Variants in DNAH7 observed in about 807,000 individuals in gnomAD.
DNAH7 encodes the protein axonemal beta dynein heavy chain 7.
Under a neutral mutation model 444.6 loss-of-function variants are expected in DNAH7, and 397 were observed. That is an observed-to-expected ratio of 0.89 (90% CI 0.82 to 0.97). The LOEUF is 0.97. Ranked by LOEUF, DNAH7 falls within the 50% of genes least tolerant of loss-of-function variation. The pLI, the probability that DNAH7 is intolerant of heterozygous loss-of-function variation, is 0.00. For missense variants in DNAH7, 4,902 were observed against 4,800.8 expected (o/e 1.02, Z -0.62); for synonymous variants, 1,636 against 1,624.4 (o/e 1.01, Z -0.17).
rs774903465 is a variant in DNAH7 at position 195,936,692 on chromosome 2, T to C, written c.3179A>G (p.Tyr1060Cys). Residue 1060 changes from tyrosine to cysteine, a missense_variant, in exon 20 of 65, where the codon TAT becomes TGT. By Grantham distance (194) the Tyr-to-Cys change is radical. Coordinates refer to ENST00000312428, the MANE Select transcript of DNAH7 (RefSeq NM_018897.3). Reference sequence around the variant, plus strand: ...GAAAAAGAGGCGTTTCTTTTCCAAATATTCATTAAGTCCTTTAAGAATGAG... The same window carrying C: ...GAAAAAGAGGCGTTTCTTTTCCAAACATTCATTAAGTCCTTTAAGAATGAG... ...LELILKGLNEYLEKKRLFFPR... is the reference protein window; with the variant it reads ...LELILKGLNECLEKKRLFFPR... 59 of 1,602,680 alleles carry C rather than the reference T, an allele frequency of 3.7e-5. No homozygotes were observed. The highest frequency in any genetic ancestry group is 4.8e-5 in the Non-Finnish European group (57 of 1,175,626).
chr2:196,045,233 AAG>A (rs1407701004), intron 5 of DNAH7, among the ~76,000 whole-genome samples: 1 of 150,198 alleles, frequency 6.7e-6, no homozygotes, highest in Non-Finnish European at 1.5e-5. Context: ...GAGAAGAAGA[AAG>A]AGAGGGAGGG....
At chr2:195,854,870 CA>C (rs1349557879) in intron 45 of DNAH7, among the ~76,000 whole-genome samples, 5 of 152,154 alleles carry the variant, frequency 3.3e-5, no homozygotes, top group Non-Finnish European at 7.4e-5. Context: ...TAAAACTGAT[CA>C]TTCAAAAATC....
At chr2:195,795,357 G>A (rs547009012) in intron 56 of DNAH7, among the ~76,000 whole-genome samples, 2 of 152,168 alleles carry the variant, frequency 1.3e-5, no homozygotes, top group Non-Finnish European at 2.9e-5. Flanking sequence ...ACTCCAGCCC[G>A]GGTGACAGAT....
rs761468466 is a variant in DNAH7 at position 196,058,092 on chromosome 2, A to G, written c.40T>C (p.Ser14Pro). Residue 14 changes from serine to proline, a missense_variant, in exon 2 of 65, where the codon TCC (serine) becomes CCC (proline). Physicochemically the swap from Ser to Pro is moderately conservative, Grantham distance 74. Transcript: ENST00000312428. ...GGTAGAAATCTTACTGGTTTCTTGG[A>G]TTTTTCTTTGCTGGCCGATTTATCC... ...EQDKSASKEK[S>P]KKPVRFLPQL... 3.8e-6 allele frequency: 6 copies of G among 1,584,426 alleles called. No homozygotes were observed. Among genetic ancestry groups the G allele is most frequent in the Non-Finnish European group, 5.2e-6 (6 of 1,164,838 alleles).
intron 5 of DNAH7, among the ~76,000 whole-genome samples, chr2:196,030,878 T>C (rs1386055939): frequency 6.6e-6 from 1 of 152,226 alleles, no homozygotes; most frequent in Non-Finnish European, 1.5e-5. Flanking sequence ...GTGTTGAGTG[T>C]CTGCGGCTTT....
At position 196,000,760 on chromosome 2, in the gene DNAH7, T is replaced by C. The variant is rs1254055571; in HGVS notation, c.1297A>G (p.Met433Val). Residue 433 changes from methionine (M) to valine (V), a missense_variant, in exon 12 of 65, where the codon ATG becomes GTG. Physicochemically the swap from Met to Val is conservative, Grantham distance 21. Transcript: ENST00000312428. ...GGCACAAAACTGACAGCTTTAATCA[T>C]GACGTCATAAACATTTAGAAAGATA... ...IDIFLNVYDV[M>V]IKAVSFVPRV... The C allele has an allele frequency of 1.3e-6, 2 of 1,595,734 alleles. No homozygotes were observed. The highest frequency in any genetic ancestry group is 2.3e-5 in the East Asian group (1 of 44,380).
At position 195,936,095 on chromosome 2, in the gene DNAH7, CA is replaced by C. The variant is rs375920212; in HGVS notation, c.3272+503del. ...GATGTGATAAGTTAAGAAATCTGGC[CA>C]GGCACGGTGGCTCACGCCTGTAATC... On this transcript the variant is annotated intron_variant, in intron 20 of 64. Coordinates refer to ENST00000312428, the MANE Select transcript of DNAH7 (RefSeq NM_018897.3). Among the ~76,000 whole-genome samples, 351 of 152,210 alleles carry C rather than the reference CA, an allele frequency of 2.3e-3. 2 individuals carry two copies. The highest frequency in any genetic ancestry group is 7.9e-3 in the African/African-American group (327 of 41,558).
chr2:195,869,960 T>C (rs1700577955), intron 40 of DNAH7, among the ~76,000 whole-genome samples: 1 of 152,190 alleles, frequency 6.6e-6, no homozygotes, highest in South Asian at 2.1e-4. Flanking sequence ...TAATCTGACA[T>C]CTAAAGCAGC....
chr2:196,019,956 CCTT>C (rs1296365313), intron 8 of DNAH7, among the ~76,000 whole-genome samples: 2 of 151,610 alleles, frequency 1.3e-5, no homozygotes, highest in East Asian at 1.9e-4. Flanking sequence ...TCCTCCTCCC[CCTT>C]CTTCTTTCCC....
chr2:196,010,413 C>T (rs1293554479), intron 10 of DNAH7, among the ~76,000 whole-genome samples: 2 of 152,112 alleles, frequency 1.3e-5, no homozygotes, highest in African/African-American at 2.4e-5. Context: ...TCCCAAAGTG[C>T]TGGGAGTGAT....
intron 50 of DNAH7, among the ~76,000 whole-genome samples, chr2:195,817,324 A>G (rs1697273744): frequency 2.0e-5 from 3 of 152,234 alleles, no homozygotes; most frequent in African/African-American, 7.2e-5. Flanking sequence ...CCTATGATAC[A>G]GATGTTATGA....
chr2:196,016,708 T>C (rs1397622686), intron 9 of DNAH7, among the ~76,000 whole-genome samples: 1 of 152,126 alleles, frequency 6.6e-6, no homozygotes, highest in African/African-American at 2.4e-5. Context: ...GTTCAGAGAG[T>C]TCCACAGTGT....
intron 18 of DNAH7, among the ~76,000 whole-genome samples, chr2:195,958,623 G>A (rs2125518728): frequency 6.6e-6 from 1 of 152,080 alleles, no homozygotes; most frequent in African/African-American, 2.4e-5. Context: ...ATGAGAAGGT[G>A]GAATATTTAA....
At chr2:195,876,487 G>GT (rs1701063605) in intron 37 of DNAH7, 57 bp downstream of exon 37, 2 of 1,513,496 alleles carry the variant, frequency 1.3e-6, no homozygotes, top group Non-Finnish European at 1.8e-6. Flanking sequence ...TGGTTTCCTT[G>GT]TTCCAACTGC....
intron 61 of DNAH7, among the ~76,000 whole-genome samples, chr2:195,761,810 A>G (rs77853495): frequency 0.012 from 1,903 of 152,308 alleles, 19 homozygotes; most frequent in Middle Eastern, 0.02. Context: ...CATCCACACC[A>G]GACTTGTTCT....
chr2:195,835,859 A>C (rs1698344775), intron 47 of DNAH7, among the ~76,000 whole-genome samples: 2 of 152,156 alleles, frequency 1.3e-5, no homozygotes, highest in African/African-American at 4.8e-5. Flanking sequence ...AACAAACAAA[A>C]AAACAAACAA....
At chr2:195,835,629 G>A (rs562588845) in intron 47 of DNAH7, among the ~76,000 whole-genome samples, 7 of 151,908 alleles carry the variant, frequency 4.6e-5, no homozygotes, top group Non-Finnish European at 8.8e-5. Context: ...GCGGATCATG[G>A]GGTCAGGAGA....
At chr2:195,872,521 T>C (rs1306407988) in intron 39 of DNAH7, 52 bp from the exon 40 acceptor site, 1 of 1,259,708 alleles carries the variant, frequency 7.9e-7, no homozygotes, top group Non-Finnish European at 1.1e-6. Flanking sequence ...ATTATAGAAT[T>C]ACGACACAAA....
In DNAH7 at chr2:195,872,421, A is replaced by G. The variant is rs1700769962; in HGVS notation, c.6462T>C (p.Asn2154=). 2 of 1,609,982 alleles carry G rather than the reference A, an allele frequency of 1.2e-6. No homozygotes were observed. The highest frequency in any genetic ancestry group is 1.7e-6 in the Non-Finnish European group (2 of 1,177,884). The part of the protein sequence containing the change: ...EFLDLTTQIV[N]GTMTLYKEAM... ...CTTCTTTATACAGAGTCATTGTGCC[A>G]TTTACGATTTGTGTGGTCAAATCTA... is the stretch of plus-strand genomic sequence containing the variant. Residue 2154 remains asparagine, a synonymous_variant, in exon 40 of 65, where the codon AAT becomes AAC. Coordinates refer to ENST00000312428, the MANE Select transcript of DNAH7 (RefSeq NM_018897.3).
Sources: gnomAD v4.1 joint callset for allele counts (sites outside exome capture counted in the v4.1 genomes callset) on GRCh38, gnomAD v4.1.1 for gene constraint, MANE v1.5 for transcripts, NCBI Gene and HGNC (gene_info 2026-07-23, HGNC 2026-07-21) for gene names.